Variants in MPP2 observed in about 807,000 individuals in gnomAD.
The protein encoded by MPP2 is MAGUK p55 scaffold protein 2, also known as MAGUK p55 subfamily member 2.
In MPP2, 42 loss-of-function variants were observed where a neutral mutation model predicts 58.5. That is an observed-to-expected ratio of 0.72 (90% CI 0.56 to 0.93). The LOEUF (loss-of-function observed/expected upper bound fraction) is 0.93. Ranked by LOEUF, MPP2 falls within the 40% of genes least tolerant of loss-of-function variation. The pLI is 0.00. For missense variants in MPP2, 632 were observed against 760.4 expected, an observed-to-expected ratio of 0.83 and a Z score of 1.99; for synonymous variants, 300 against 307.8, an observed-to-expected ratio of 0.97 and a Z score of 0.26.
rs148596933 is a variant in MPP2, at chr17:43,879,308, C to A, written c.1449G>T (p.Ala483=). The A allele has an allele frequency of 6.2e-7, 1 of 1,614,038 alleles. No homozygotes were observed. Among genetic ancestry groups the A allele is most frequent in the Non-Finnish European group, 8.5e-7 (1 of 1,180,004 alleles). ...GCTTGGTGGATATTCCACTCTCCAGCGCAGCCCTGTTCATGGCCCGCAGGG... is the reference window on the plus strand; with the variant it reads ...GCTTGGTGGATATTCCACTCTCCAGAGCAGCCCTGTTCATGGCCCGCAGGG... The part of the protein sequence containing the change: ...FETLRAMNRA[A]LESGISTKQL... The change falls in exon 12 of 13, where the codon GCG becomes GCT. Residue 483 remains alanine, a synonymous_variant. Transcript: ENST00000269095. This position sits in a 1 kb window ranked among gnomAD's most constrained non-coding sequence, Gnocchi z 4.1.
chr17:43,900,213 C>A (rs1597807603), intron 2 of MPP2, among the ~76,000 whole-genome samples: 1 of 152,214 alleles, frequency 6.6e-6, no homozygotes, highest in Non-Finnish European at 1.5e-5. Context: ...TGGTCAGAGA[C>A]CTGCGAGGCC....
intron 3 of MPP2, chr17:43,884,222 C>A: frequency 1.5e-6 from 1 of 665,026 alleles, no homozygotes; most frequent in South Asian, 1.7e-5. Context: ...AATGTTCACT[C>A]TTGTCCCAAA....
chr17:43,881,061 G>A, intron 9 of MPP2, 29 bp downstream of exon 9: 1 of 1,611,542 alleles, frequency 6.2e-7, no homozygotes, highest in Non-Finnish European at 8.5e-7. Context: ...GTTAGAGGAG[G>A]GTAAGGGAGG....
In MPP2 at chr17:43,876,374, A is replaced by C. The variant is rs1276519900; in HGVS notation, c.*1433T>G. The C allele has an allele frequency of 6.6e-6, 1 of 152,474 alleles. No homozygotes were observed. Among genetic ancestry groups the C allele is most frequent in the African/African-American group, 2.4e-5 (1 of 41,434 alleles). The allele number at this position is 152,474 out of a possible 1,614,324, so 9.4% of individuals were successfully genotyped here. A position where few individuals can be genotyped will look rare whatever the true frequency, so the allele number is the denominator to read the frequency against. On this transcript the variant is annotated 3_prime_UTR_variant, in exon 13 of 13. Transcript: ENST00000269095. ...GGAATGCAGAGAATAATGAAGGATG[A>C]GATGCCCAAGTACATCTAGGACAGC...
intron 3 of MPP2, among the ~76,000 whole-genome samples, chr17:43,895,843 G>A (rs956727403): frequency 6.6e-6 from 1 of 152,000 alleles, no homozygotes; most frequent in Non-Finnish European, 1.5e-5. Context: ...ATCTTCGATT[G>A]CTGAATGAAA....
chr17:43,881,231 G>A lies in MPP2; in HGVS notation c.919+13C>T, dbSNP rs2047102312. ...TCCCAGATTGGAGGTGTGGGGTAGGGGGGACCTCCTACCTGAGTTTGGTGT... is the reference window on the plus strand; with the variant it reads ...TCCCAGATTGGAGGTGTGGGGTAGGAGGGACCTCCTACCTGAGTTTGGTGT... On this transcript the variant is annotated intron_variant, in intron 8 of 12. Transcript: ENST00000269095. 6.2e-7 allele frequency: 1 copy of A among 1,611,480 alleles called. No individual in the cohort carries two copies. The highest frequency in any genetic ancestry group is 8.5e-7 in the Non-Finnish European group (1 of 1,177,598).
intron 3 of MPP2, among the ~76,000 whole-genome samples, chr17:43,889,800 A>C (rs2047522662): frequency 8.1e-6 from 1 of 123,248 alleles, no homozygotes; most frequent in Non-Finnish European, 1.6e-5. Context: ...TGTCTGTCCA[A>C]ATGCGTTTTT....
In MPP2 at chr17:43,882,291, G is replaced by A. The variant is rs1446884266; in HGVS notation, c.674C>T (p.Pro225Leu). 1.1e-5 allele frequency: 17 copies of A among 1,610,090 alleles called. No homozygotes were observed. The highest frequency in any genetic ancestry group is 1.4e-5 in the Non-Finnish European group (17 of 1,179,338). Reference protein sequence around the residue: ...ILPSYQEPHLPRQVFVKCHFD... With the variant: ...ILPSYQEPHLLRQVFVKCHFD... ...GCTGGGTGAGGGGCCCACCTGGCGG[G>A]GCAGATGGGGCTCCTGGTAGCTGGG... is the stretch of plus-strand genomic sequence containing the variant. The change falls in exon 6 of 13, where the codon CCC becomes CTC. Residue 225 changes from proline to leucine, a missense_variant. Pro to Leu is a moderately conservative substitution (Grantham distance 98, BLOSUM62 -3). Transcript: ENST00000269095.
chr17:43,885,971 T>C (rs895248828), intron 3 of MPP2, among the ~76,000 whole-genome samples: 2 of 151,798 alleles, frequency 1.3e-5, no homozygotes, highest in African/African-American at 4.8e-5. Context: ...TAGCCGGGCA[T>C]GTGGCACATG....
At chr17:43,898,022 C>T (rs1300627545) in intron 3 of MPP2, among the ~76,000 whole-genome samples, 1 of 152,220 alleles carries the variant, frequency 6.6e-6, no homozygotes, top group African/African-American at 2.4e-5. Context: ...TCACACACTC[C>T]ACAAGCTGGC....
At chr17:43,909,682 A>C, upstream of MPP2, 1 of 1,227,814 alleles carries the variant, frequency 8.1e-7, no homozygotes, top group Non-Finnish European at 1.1e-6. Flanking sequence ...GTCGGTCAAC[A>C]AGTATCTCTC....
At position 43,883,246 on chromosome 17, in the gene MPP2, G is replaced by C. The variant is rs1034832634; in HGVS notation, c.260C>G (p.Thr87Arg). 6.2e-7 allele frequency: 1 copy of C among 1,610,420 alleles called. No individual in the cohort carries two copies. The highest frequency in any genetic ancestry group is 1.1e-5 in the South Asian group (1 of 90,406). Residue 87 changes from threonine to arginine, a missense_variant, in exon 4 of 13, where the codon ACA becomes AGA. Transcript: ENST00000269095. ...DLAQLAEQSSTAAELAHILQE... is the reference protein window; with the variant it reads ...DLAQLAEQSSRAAELAHILQE... ...GAGGATGTGGGCCAGCTCGGCGGCT[G>C]TGCTGCTCTGCTCAGCCAGCTGCGC...
rs1175751673 is a variant in MPP2 at position 43,882,914 on chromosome 17, C to T, written c.442G>A (p.Gly148Arg). The T allele has an allele frequency of 2.0e-5, 32 of 1,613,978 alleles. No individual in the cohort carries two copies. The highest frequency in any genetic ancestry group is 1.1e-4 in the East Asian group (5 of 44,894). Reference protein sequence around the residue: ...VRMVGIRKTAGEHLGVTFRVE... With the variant: ...VRMVGIRKTAREHLGVTFRVE... ...TGCCCAGTCCTCACCAGATGTTCTC[C>T]GGCTGTCTTGCGGATGCCCACCATG... Residue 148 changes from glycine (G) to arginine (R), a missense_variant, in exon 5 of 13, where the codon GGA (glycine) becomes AGA (arginine). Physicochemically the swap from Gly to Arg is moderately radical, Grantham distance 125 (BLOSUM62 -2). Transcript: ENST00000269095.
In MPP2 at chr17:43,904,454, C is replaced by T. The variant is rs368803074; in HGVS notation, c.7G>A (p.Val3Ile). 29 of 1,613,816 alleles carry T rather than the reference C, an allele frequency of 1.8e-5. No individual in the cohort carries two copies. In the South Asian group the frequency reaches 2.3e-4, roughly 13 times the overall value. ...CCAGTTTCAGAGTTGGTGGCGGCAA[C>T]CGGCATGGTGAAGGAGGCAAGGGCT... MP[V>I]AATNSETAMQ... Residue 3 changes from valine (V) to isoleucine (I), a missense_variant, in exon 2 of 13, where the codon GTT becomes ATT. Physicochemically the swap from Val to Ile is conservative, Grantham distance 29. Transcript: ENST00000269095.
At chr17:43,903,427 T>A (rs1308433932) in intron 2 of MPP2, among the ~76,000 whole-genome samples, 1 of 152,162 alleles carries the variant, frequency 6.6e-6, no homozygotes, top group Non-Finnish European at 1.5e-5. Context: ...GGCACAGTGG[T>A]TCACACCTGT....
rs530336162 is a variant in MPP2 at position 43,877,122 on chromosome 17, ACTTCGGCAGTGAGAAG to A, written c.*669_*684del. On this transcript the variant is annotated 3_prime_UTR_variant, in exon 13 of 13. Transcript: ENST00000269095. ...GGACACATTGGAGAAATCTGGAGAA[ACTTCGGCAGTGAGAAG>A]CTGTGGATGAGGGAAGGACCGAGCA... 3.0e-4 allele frequency: 46 copies of A among 153,126 alleles called. No individual in the cohort carries two copies. Among genetic ancestry groups the A allele is most frequent in the African/African-American group, 1.1e-3 (46 of 41,590 alleles). The allele number at this position is 153,126 out of a possible 1,614,324, so 9.5% of individuals were successfully genotyped here.
chr17:43,891,573 G>T (rs1264709642), intron 3 of MPP2, among the ~76,000 whole-genome samples: 1 of 151,554 alleles, frequency 6.6e-6, no homozygotes, highest in African/African-American at 2.4e-5. Flanking sequence ...CGACTCTGAG[G>T]GATAGGTATC....
intron 3 of MPP2, among the ~76,000 whole-genome samples, chr17:43,890,489 C>T (rs1014359940): frequency 6.6e-6 from 1 of 152,224 alleles, no homozygotes; most frequent in Admixed American, 6.5e-5. Context: ...AAACACTACA[C>T]AGTCATTTCA....
rs1009668303 is a variant in MPP2 at position 43,901,178 on chromosome 17, G to C, written c.32-2798C>G. The C allele has an allele frequency of 6.0e-6, 5 of 833,608 alleles. No individual in the cohort carries two copies. The African/African-American group carries it at 9.3e-5, about 15-fold the overall frequency. 51.6% of individuals were successfully genotyped at this position (833,608 alleles called of 1,614,324 possible). ...CTTGGGCATGGGGCAAATACCTCAA[G>C]CCTCAGACGCCTCCCCCTACCCACC... On this transcript the variant is annotated intron_variant, in intron 2 of 12. Coordinates refer to ENST00000269095, the MANE Select transcript of MPP2 (RefSeq NM_005374.5).
Sources: gnomAD v4.1 joint callset for allele counts (sites outside exome capture counted in the v4.1 genomes callset) on GRCh38, gnomAD v4.1.1 for gene constraint, Gnocchi (gnomAD v3.1) non-coding constraint, MANE v1.5 for transcripts, NCBI Gene and HGNC (gene_info 2026-07-23, HGNC 2026-07-21) for gene names.